The following SCUBE1 variants were observed in gnomAD, a reference collection of about 807,000 sequenced individuals.
The protein encoded by SCUBE1 is signal peptide, CUB and EGF-like domain-containing protein 1.
Under a neutral mutation model 124.4 loss-of-function variants are expected in SCUBE1, and 59 were observed. The observed-to-expected ratio is 0.47, with a 90% CI of 0.38 to 0.59. The LOEUF is 0.59. Ranked by LOEUF, SCUBE1 falls within the 20% of genes least tolerant of loss-of-function variation. The pLI is 0.00. For missense variants in SCUBE1, 1,150 were observed against 1,371.2 expected, an observed-to-expected ratio of 0.84 and a Z score of 2.55; for synonymous variants, 545 against 550.9, an observed-to-expected ratio of 0.99 and a Z score of 0.15.
At chr22:43,313,727 C>T (rs909652217) in intron 3 of SCUBE1, among the ~76,000 whole-genome samples, 1 of 152,174 alleles carries the variant, frequency 6.6e-6, no homozygotes, top group Admixed American at 6.5e-5. Context: ...CTTTGCTCCC[C>T]AGAGGACAGA....
chr22:43,310,363 T>TCA (rs1215671983), intron 3 of SCUBE1, among the ~76,000 whole-genome samples: 1 of 152,132 alleles, frequency 6.6e-6, no homozygotes, highest in Non-Finnish European at 1.5e-5. Context: ...GGCTAGACTG[T>TCA]CAAACTGCCA....
intron 1 of SCUBE1, among the ~76,000 whole-genome samples, chr22:43,339,667 A>C (rs1601904549): frequency 7.3e-5 from 2 of 27,420 alleles, no homozygotes; most frequent in African/African-American, 1.6e-4. Context: ...GCCCTCCCCC[A>C]TTCTCCTCAC....
At chr22:43,214,845 T>C (rs1287746932) in intron 15 of SCUBE1, among the ~76,000 whole-genome samples, 1 of 152,098 alleles carries the variant, frequency 6.6e-6, no homozygotes, top group Non-Finnish European at 1.5e-5. Flanking sequence ...AATCAGTAAA[T>C]TCAGGAGAAA....
intron 19 of SCUBE1, among the ~76,000 whole-genome samples, chr22:43,209,764 G>A (rs11704919): frequency 0.075 from 11,422 of 152,306 alleles, 576 homozygotes; most frequent in Non-Finnish European, 0.11. Context: ...GGCCCGGCTC[G>A]TGGCCGGAGT....
At position 43,343,267 on chromosome 22, in the gene SCUBE1, A is replaced by T. The variant is rs1346669995; in HGVS notation, c.-6T>A. ...CGCACGGCCGCCGCGCCCATGCTCA[A>T]TGCGGGCCCCGCTGGGCGTGCGGGC... On this transcript the variant is annotated 5_prime_UTR_variant, in exon 1 of 22. In the 5' UTR this introduces an upstream ATG that the reference lacks. Transcript: ENST00000360835. 4.4e-6 allele frequency: 5 copies of T among 1,125,952 alleles called. No individual in the cohort carries two copies. In the African/African-American group the frequency reaches 8.4e-5, roughly 19 times the overall value. 69.7% of individuals were successfully genotyped at this position (1,125,952 alleles called of 1,614,324 possible).
Position 43,220,593 on chromosome 22 carries a change from C to T in SCUBE1, c.1550-6G>A, listed in dbSNP as rs749900680. ...GAAAGTCACATGGCAGTGGTCTGGA[C>T]GAGGAAAGGACCACTGTGGCAAAGG... On this transcript the variant is annotated splice_region_variant and splice_polypyrimidine_tract_variant and intron_variant, in intron 13 of 21. Coordinates refer to ENST00000360835, the MANE Select transcript of SCUBE1 (RefSeq NM_173050.5). The T allele has an allele frequency of 2.4e-5, 38 of 1,613,002 alleles. No homozygotes were observed. Among genetic ancestry groups the T allele is most frequent in the Middle Eastern group, 1.6e-4 (1 of 6,076 alleles).
At chr22:43,227,284 C>G in intron 10 of SCUBE1, 90 bp downstream of exon 10, 2 of 1,429,948 alleles carry the variant, frequency 1.4e-6, no homozygotes, top group Non-Finnish European at 1.9e-6. Context: ...GAGGGGCTGT[C>G]CTGCTCACCC....
rs73886537 is a variant in SCUBE1, at chr22:43,258,117, C to T, written c.727+102G>A. The T allele has an allele frequency of 2.4e-3, 2,045 of 854,066 alleles. 36 individuals carry two copies. The African/African-American group carries it at 0.03, about 13-fold the overall frequency. 52.9% of individuals were successfully genotyped at this position (854,066 alleles called of 1,614,324 possible). On this transcript the variant is annotated intron_variant, in intron 6 of 21. Transcript: ENST00000360835. The surrounding 1 kb of genome is among the most constrained non-coding windows in gnomAD (Gnocchi z 5.0). ...TCCTTGTTTCCCTGAAGCTTCCTTC[C>T]GGGGAACCCGGACGTGGCAGGGTGC...
intron 4 of SCUBE1, among the ~76,000 whole-genome samples, chr22:43,269,127 G>T (rs958233519): frequency 3.3e-5 from 5 of 152,156 alleles, no homozygotes; most frequent in Non-Finnish European, 7.3e-5. Flanking sequence ...GCAGACGGAG[G>T]TTGGGACAGC....
rs1018728305 is a variant in SCUBE1 at position 43,214,120 on chromosome 22, G to C, written c.2023C>G (p.Pro675Ala). The change falls in exon 16 of 22, where the codon CCT (proline) becomes GCT (alanine). Residue 675 changes from proline (P) to alanine (A), a missense_variant. This residue lies in a region of SCUBE1 where 757 missense variants were observed against 840.9 expected (regional missense o/e 0.90). Transcript: ENST00000360835. Reference protein sequence around the residue: ...PCPSSDGLGLPGARNVSECGG... With the variant: ...PCPSSDGLGLAGARNVSECGG... ...CATTCCGACACGTTGCGGGCACCAG[G>C]CAGACCAAGCCCGTCGCTGCTGGGG... is the stretch of plus-strand genomic sequence containing the variant. 1.3e-6 allele frequency: 2 copies of C among 1,578,496 alleles called. No individual in the cohort carries two copies. The highest frequency in any genetic ancestry group is 1.7e-6 in the Non-Finnish European group (2 of 1,159,094).
At chr22:43,208,009 C>T (rs1382288817) in intron 20 of SCUBE1, 63 bp downstream of exon 20, 124 of 1,582,464 alleles carry the variant, frequency 7.8e-5, no homozygotes, top group Non-Finnish European at 1.1e-4. Context: ...TGCGACTCAT[C>T]TCTGTGTCTC....
At chr22:43,326,316 G>A (rs916591392) in intron 2 of SCUBE1, among the ~76,000 whole-genome samples, 2 of 152,112 alleles carry the variant, frequency 1.3e-5, no homozygotes, top group Non-Finnish European at 2.9e-5. Flanking sequence ...GAAAAACCGT[G>A]CCCTCCTTAG....
chr22:43,221,701 A>G (rs930759204), intron 12 of SCUBE1, among the ~76,000 whole-genome samples: 2 of 152,206 alleles, frequency 1.3e-5, no homozygotes, highest in Non-Finnish European at 2.9e-5. Context: ...TGCAAGAGCA[A>G]ATCATAGCCC....
chr22:43,300,200 TG>T (rs1172766842), intron 3 of SCUBE1, among the ~76,000 whole-genome samples: 1 of 152,146 alleles, frequency 6.6e-6, no homozygotes, highest in African/African-American at 2.4e-5. Flanking sequence ...AGGAAATGAC[TG>T]TTTACCACGG....
intron 4 of SCUBE1, among the ~76,000 whole-genome samples, chr22:43,269,524 C>A (rs1313217073): frequency 6.6e-6 from 1 of 152,156 alleles, no homozygotes; most frequent in African/African-American, 2.4e-5. Flanking sequence ...ATGGCGACTT[C>A]ATCAATAACA....
At chr22:43,279,900 C>T (rs1924695033) in intron 4 of SCUBE1, among the ~76,000 whole-genome samples, 1 of 152,176 alleles carries the variant, frequency 6.6e-6, no homozygotes, top group Non-Finnish European at 1.5e-5. Flanking sequence ...CAGAAGAATC[C>T]TGATGTCCCC....
chr22:43,204,579 G>A (rs1293946874), intron 21 of SCUBE1, among the ~76,000 whole-genome samples: 5 of 152,056 alleles, frequency 3.3e-5, no homozygotes, highest in African/African-American at 7.2e-5. Context: ...GATTACAGGC[G>A]TGAGCCACGG....
intron 3 of SCUBE1, among the ~76,000 whole-genome samples, chr22:43,308,333 G>A (rs1249048430): frequency 6.6e-6 from 1 of 152,206 alleles, no homozygotes; most frequent in Non-Finnish European, 1.5e-5. Flanking sequence ...ATGGGAAAAG[G>A]TGGTGGGGTA....
Position 43,208,297 on chromosome 22 carries a change from T to C in SCUBE1, c.2582-73A>G, listed in dbSNP as rs1332292636. 8 of 1,444,334 alleles carry C rather than the reference T, an allele frequency of 5.5e-6. No individual in the cohort carries two copies. In the African/African-American group the frequency reaches 9.8e-5, roughly 18 times the overall value. The allele number at this position is 1,444,334 out of a possible 1,614,324, so 89.5% of individuals were successfully genotyped here. The stretch of plus-strand genomic sequence containing the variant: ...CCTGCCCTAGGCCACTCGCCTCCCA[T>C]CCAGTCCACCACCCAGCACCTGCAC... On this transcript the variant is annotated intron_variant, in intron 19 of 21. Coordinates refer to ENST00000360835, the MANE Select transcript of SCUBE1 (RefSeq NM_173050.5).
Sources: gnomAD v4.1 joint callset for allele counts (sites outside exome capture counted in the v4.1 genomes callset) on GRCh38, gnomAD v4.1.1 for gene constraint, gnomAD v4.1.1 regional missense constraint, Gnocchi (gnomAD v3.1) non-coding constraint, MANE v1.5 for transcripts, NCBI Gene and HGNC (gene_info 2026-07-23, HGNC 2026-07-21) for gene names.